RALGAPA2: variants seen among roughly 807,000 people sequenced by gnomAD.
The protein encoded by RALGAPA2 is Ral GTPase activating protein catalytic subunit alpha 2.
A neutral mutation model predicts 230.4 loss-of-function variants in RALGAPA2; 139 were observed. The ratio of observed to expected loss-of-function variants is 0.60; its 90% CI spans 0.53 to 0.69. The LOEUF is 0.69. Ranked by LOEUF, RALGAPA2 falls within the 30% of genes least tolerant of loss-of-function variation. The probability of loss-of-function intolerance (pLI) is 0.00; values close to 1 mark genes in which losing one functional copy is unlikely to be tolerated. For synonymous variants in RALGAPA2, 847 were observed against 837.8 expected, an observed-to-expected ratio of 1.01 and a Z score of -0.19; for missense variants, 2,163 against 2,276.0, an observed-to-expected ratio of 0.95 and a Z score of 1.01.
chr20:20,652,633 G>T (rs1050976382), intron 4 of RALGAPA2, among the ~76,000 whole-genome samples: 2 of 152,168 alleles, frequency 1.3e-5, no homozygotes, highest in Non-Finnish European at 2.9e-5. Context: ...TGGTAAGTAA[G>T]AAATCTTGTA....
In RALGAPA2 at chr20:20,676,236, T is replaced by C; in HGVS notation, c.270A>G (p.Glu90=). 2 of 1,530,920 alleles carry C rather than the reference T, an allele frequency of 1.3e-6. No individual in the cohort carries two copies. The highest frequency in any genetic ancestry group is 1.8e-5 in the Admixed American group (1 of 56,402). 94.8% of individuals were successfully genotyped at this position (1,530,920 alleles called of 1,614,324 possible). A position where few individuals can be genotyped will look rare whatever the true frequency, so the allele number is the denominator to read the frequency against. The change falls in exon 3 of 40, where the codon GAA becomes GAG. Residue 90 remains glutamate (E), a splice_region_variant and synonymous_variant. Coordinates refer to ENST00000202677, the MANE Select transcript of RALGAPA2 (RefSeq NM_020343.4). Reference sequence around the variant, plus strand: ...GCTAAATAAACTCATCAAAACTTACTTCAAAAAGGAAGAGGATGGAGTCCA... The same window carrying C: ...GCTAAATAAACTCATCAAAACTTACCTCAAAAAGGAAGAGGATGGAGTCCA... ...EELDSILFLF[E]KILQFLPERI... is the part of the protein sequence containing the mutation.
At chr20:20,517,689 A>C (rs1049067210) in intron 31 of RALGAPA2, among the ~76,000 whole-genome samples, 2 of 152,162 alleles carry the variant, frequency 1.3e-5, no homozygotes, top group Non-Finnish European at 2.9e-5. Context: ...GAAAGTCAGC[A>C]TACAAAGACT....
chr20:20,538,928 C>T (rs1394278916), intron 24 of RALGAPA2, among the ~76,000 whole-genome samples: 2 of 152,150 alleles, frequency 1.3e-5, no homozygotes, highest in African/African-American at 2.4e-5. Context: ...TGTAACACCA[C>T]AGATTGGTTT....
chr20:20,686,533 GAAAAAAAA>G lies in RALGAPA2; in HGVS notation c.107-5740_107-5733del, dbSNP rs571303541. Among the ~76,000 whole-genome samples, 829 of 105,648 alleles carry G rather than the reference GAAAAAAAA, an allele frequency of 7.8e-3. 9 individuals carry two copies. The highest frequency in any genetic ancestry group is 0.028 in the African/African-American group (796 of 28,566). 69.3% of individuals were successfully genotyped at this position (105,648 alleles called of 152,430 possible). Reference sequence around the variant, plus strand: ...GACGACAGAGTGAGACTACACCTCAGAAAAAAAAAAAAAAAATAGGGCTAACAATGGTT... The same window carrying G: ...GACGACAGAGTGAGACTACACCTCAGAAAAAAAATAGGGCTAACAATGGTT... On this transcript the variant is annotated intron_variant, in intron 1 of 39. Coordinates refer to ENST00000202677, the MANE Select transcript of RALGAPA2 (RefSeq NM_020343.4).
At chr20:20,614,137 C>A (rs546724434) in intron 13 of RALGAPA2, among the ~76,000 whole-genome samples, 2 of 152,240 alleles carry the variant, frequency 1.3e-5, no homozygotes, top group African/African-American at 4.8e-5. Context: ...AAGGGATTAT[C>A]TGGTACTTAA....
intron 36 of RALGAPA2, among the ~76,000 whole-genome samples, chr20:20,488,492 G>A (rs1417225166): frequency 6.6e-6 from 1 of 152,218 alleles, no homozygotes; most frequent in Non-Finnish European, 1.5e-5. Flanking sequence ...GTGCTTCTCT[G>A]TATCTGCCTG....
At chr20:20,614,003 G>A (rs1339527580) in intron 13 of RALGAPA2, among the ~76,000 whole-genome samples, 1 of 152,172 alleles carries the variant, frequency 6.6e-6, no homozygotes, top group Non-Finnish European at 1.5e-5. Context: ...CAGGGACCTT[G>A]TCTACATAGT....
chr20:20,393,824 T>C (rs2122589795), intron 39 of RALGAPA2, among the ~76,000 whole-genome samples: 1 of 152,268 alleles, frequency 6.6e-6, no homozygotes, highest in East Asian at 1.9e-4. Flanking sequence ...AATTAAAACC[T>C]GCACATCTGC....
chr20:20,578,530 A>C (rs1362500659), intron 20 of RALGAPA2, among the ~76,000 whole-genome samples: 1 of 152,192 alleles, frequency 6.6e-6, no homozygotes, highest in Non-Finnish European at 1.5e-5. Context: ...AAAGAGATCT[A>C]AAAGTTTAGA....
chr20:20,582,637 C>A (rs1568607807), intron 20 of RALGAPA2, among the ~76,000 whole-genome samples: 1 of 152,150 alleles, frequency 6.6e-6, no homozygotes, highest in Non-Finnish European at 1.5e-5. Context: ...GGAGACCTCA[C>A]TGGCTTGGGT....
At chr20:20,406,409 A>T (rs558227098) in intron 38 of RALGAPA2, among the ~76,000 whole-genome samples, 4 of 152,158 alleles carry the variant, frequency 2.6e-5, no homozygotes, top group Non-Finnish European at 5.9e-5. Flanking sequence ...ATCAAAGCAA[A>T]AGTGGTCAGA....
chr20:20,668,714 T>C (rs956740391), intron 3 of RALGAPA2, among the ~76,000 whole-genome samples: 20 of 151,924 alleles, frequency 1.3e-4, no homozygotes, highest in East Asian at 9.6e-4. Context: ...CCAGGAGAAA[T>C]TGGTGGGTCT....
At chr20:20,608,336 A>G (rs1240793122) in intron 14 of RALGAPA2, among the ~76,000 whole-genome samples, 1 of 152,214 alleles carries the variant, frequency 6.6e-6, no homozygotes, top group Admixed American at 6.5e-5. Flanking sequence ...ATACCATCAG[A>G]GCTTCAAGCA....
intron 12 of RALGAPA2, among the ~76,000 whole-genome samples, chr20:20,618,589 C>A (rs1464827750): frequency 6.6e-6 from 1 of 152,120 alleles, no homozygotes; most frequent in Admixed American, 6.5e-5. Flanking sequence ...CTGGCCTCTA[C>A]ATGAGAGGCC....
At chr20:20,477,560 T>C (rs2061680034) in intron 36 of RALGAPA2, among the ~76,000 whole-genome samples, 3 of 152,234 alleles carry the variant, frequency 2.0e-5, no homozygotes, top group Admixed American at 1.3e-4. Context: ...TAAATTTTAA[T>C]GGAACACAGC....
chr20:20,587,980 G>A (rs571167392), intron 18 of RALGAPA2, among the ~76,000 whole-genome samples: 1 of 152,036 alleles, frequency 6.6e-6, no homozygotes. Flanking sequence ...TCTGATAATA[G>A]AAAGTGTTGG....
intron 38 of RALGAPA2, among the ~76,000 whole-genome samples, chr20:20,411,616 C>T (rs892831614): frequency 2.6e-5 from 4 of 152,164 alleles, no homozygotes; most frequent in South Asian, 2.1e-4. Context: ...CCCTGACCTT[C>T]GAATCTCGGC....
Position 20,458,453 on chromosome 20 carries a change from CATATGTATTTTATATAATATATAATAT to C in RALGAPA2, c.5495+14349_5495+14375del, listed in dbSNP as rs1569417252. 1.7e-3 allele frequency among the ~76,000 whole-genome samples: 203 copies of C among 117,940 alleles called. 6 individuals carry two copies. The highest frequency in any genetic ancestry group is 0.013 in the East Asian group (57 of 4,298). 77.4% of individuals were successfully genotyped at this position (117,940 alleles called of 152,430 possible). A position where few individuals can be genotyped will look rare whatever the true frequency, so the allele number is the denominator to read the frequency against. On this transcript the variant is annotated intron_variant, in intron 37 of 39. Coordinates refer to ENST00000202677, the MANE Select transcript of RALGAPA2 (RefSeq NM_020343.4). ...TGTATTTTTTATATTACATATAATA[CATATGTATTTTATATAATATATAATAT>C]ATATGTATTTTATATATATTATATA...
At chr20:20,490,995 C>T (rs948500297) in intron 36 of RALGAPA2, among the ~76,000 whole-genome samples, 3 of 151,380 alleles carry the variant, frequency 2.0e-5, no homozygotes, top group Non-Finnish European at 4.4e-5. Context: ...AGGAAAGGTA[C>T]GGGCAGCTAG....
Sources: allele counts gnomAD v4.1 joint callset (sites outside exome capture counted in the v4.1 genomes callset), GRCh38; gene constraint gnomAD v4.1.1; transcripts MANE v1.5; gene names NCBI Gene and HGNC (gene_info 2026-07-23, HGNC 2026-07-21).